The following PIGG variants were observed in gnomAD, a reference collection of about 807,000 sequenced individuals.
PIGG encodes the protein GPI ethanolamine phosphate transferase 2, catalytic subunit.
A neutral mutation model predicts 83.2 loss-of-function variants in PIGG; 70 were observed. The observed-to-expected ratio is 0.84, with a 90% CI of 0.69 to 1.03. The LOEUF (loss-of-function observed/expected upper bound fraction) is 1.03, where lower values mean the gene tolerates loss of function less well. Among genes scored for constraint, PIGG ranks in the 50% least tolerant of loss-of-function variants. The pLI is 0.00. For synonymous variants in PIGG, 532 were observed against 519.5 expected, an observed-to-expected ratio of 1.02 and a Z score of -0.33; for missense variants, 1,257 against 1,233.6, an observed-to-expected ratio of 1.02 and a Z score of -0.28.
At position 509,090 on chromosome 4, in the gene PIGG, T is replaced by C. The variant is rs541614123; in HGVS notation, c.901+120T>C. Reference sequence around the variant, plus strand: ...ATAAGGTTGAAGTCCCCAAGCAATGTGAGCATGAAAAGTAATTGGGCAAAA... The same window carrying C: ...ATAAGGTTGAAGTCCCCAAGCAATGCGAGCATGAAAAGTAATTGGGCAAAA... On this transcript the variant is annotated intron_variant, in intron 5 of 12. Coordinates refer to ENST00000453061, the MANE Select transcript of PIGG (RefSeq NM_001127178.3). 11 of 740,510 alleles carry C rather than the reference T, an allele frequency of 1.5e-5. No individual in the cohort carries two copies. The African/African-American group carries it at 1.6e-4, about 11-fold the overall frequency. The allele number at this position is 740,510 out of a possible 1,614,324, so 45.9% of individuals were successfully genotyped here.
intron 11 of PIGG, chr4:531,175 G>A (rs1008188549): frequency 2.9e-5 from 5 of 174,998 alleles, no homozygotes; most frequent in East Asian, 1.6e-4. Context: ...GCTTCTGTCC[G>A]GTGTTTAAAG....
intron 2 of PIGG, among the ~76,000 whole-genome samples, chr4:503,845 TACACACACACACACACACACACACAC>T (rs56841358): frequency 6.9e-6 from 1 of 145,606 alleles, no homozygotes; most frequent in Non-Finnish European, 1.5e-5. Flanking sequence ...TGTGATTTTA[TACACACACACACACACACACACACAC>T]ACACACACAC....
intron 9 of PIGG, among the ~76,000 whole-genome samples, chr4:526,677 A>G (rs1218352315): frequency 2.8e-5 from 4 of 145,390 alleles, no homozygotes; most frequent in African/African-American, 1.0e-4. Flanking sequence ...ATGGTGGGAG[A>G]CCCGTTTGTG....
rs1363760022 is a variant in PIGG, at chr4:521,764, G to A, written c.1437G>A (p.Val479=). Residue 479 remains valine (V), a synonymous_variant, in exon 8 of 13, where the codon GTG becomes GTA. Transcript: ENST00000453061. The part of the protein sequence containing the change: ...SPGFSLLFYL[V]ILVLSAVHVI... ...GGTTTTCTCTGCTCTTTTATTTGGT[G>A]ATCCTGGTTCTTTCGGCCGTTCACG... is the stretch of plus-strand genomic sequence containing the variant. 3 of 1,614,078 alleles carry A rather than the reference G, an allele frequency of 1.9e-6. No individual in the cohort carries two copies. In the African/African-American group the frequency reaches 4.0e-5, roughly 22 times the overall value.
rs1257417361 is a variant in PIGG, at chr4:505,652, T to A, written c.361-66T>A. On this transcript the variant is annotated intron_variant, in intron 2 of 12. Transcript: ENST00000453061. Reference sequence around the variant, plus strand: ...TGTCTCAAAAAAAAAAAAAAAAATCTTCAGTGCCCTTTTCATGCTCCGGTT... The same window carrying A: ...TGTCTCAAAAAAAAAAAAAAAAATCATCAGTGCCCTTTTCATGCTCCGGTT... The A allele has an allele frequency of 1.1e-5, 11 of 993,748 alleles. 1 individual carries two copies. The highest frequency in any genetic ancestry group is 2.5e-5 in the East Asian group (1 of 39,668). 61.6% of individuals were successfully genotyped at this position (993,748 alleles called of 1,614,324 possible). A position where few individuals can be genotyped will look rare whatever the true frequency, so the allele number is the denominator to read the frequency against.
At chr4:530,337 A>C (rs111393384) in intron 10 of PIGG, 99 bp from the exon 11 acceptor site, 6 of 834,944 alleles carry the variant, frequency 7.2e-6, no homozygotes, top group African/African-American at 6.8e-5. Flanking sequence ...CTGGACATTT[A>C]CTGGTTCCCT....
In PIGG at chr4:515,943, CTG is replaced by C; in HGVS notation, c.902-28_902-27del. On this transcript the variant is annotated intron_variant, in intron 5 of 12. Coordinates refer to ENST00000453061, the MANE Select transcript of PIGG (RefSeq NM_001127178.3). This position sits in a 1 kb window ranked among gnomAD's most constrained non-coding sequence, Gnocchi z 4.2. ...GTACCATCTTACACTTTCTAGAAGTCTGTTACTTAAAATGTTTTCTTTCTTCT... is the reference window on the plus strand; with the variant it reads ...GTACCATCTTACACTTTCTAGAAGTCTTACTTAAAATGTTTTCTTTCTTCT... 1 of 1,550,046 alleles carries C rather than the reference CTG, an allele frequency of 6.5e-7. No individual in the cohort carries two copies. The highest frequency in any genetic ancestry group is 8.9e-7 in the Non-Finnish European group (1 of 1,121,752).
chr4:516,854 CA>C (rs1178401194), intron 6 of PIGG, among the ~76,000 whole-genome samples: 165 of 46,522 alleles, frequency 3.5e-3, no homozygotes, highest in African/African-American at 7.7e-3. Context: ...GACTCTGCCT[CA>C]AAAAAAAAAA....
intron 9 of PIGG, among the ~76,000 whole-genome samples, chr4:526,193 A>C (rs1434783823): frequency 6.6e-6 from 1 of 152,280 alleles, no homozygotes; most frequent in Non-Finnish European, 1.5e-5. Context: ...TTATTATAAC[A>C]ATCCTGAAGA....
At position 533,729 on chromosome 4, in the gene PIGG, T is replaced by TTCACGCTAACATCGTGGC. The variant is rs1294677827; in HGVS notation, c.2572-69_2572-52dup. On this transcript the variant is annotated intron_variant, in intron 11 of 12. Coordinates refer to ENST00000453061, the MANE Select transcript of PIGG (RefSeq NM_001127178.3). ...GTGGTTATCTGGGCTGCCTACACAG[T>TTCACGCTAACATCGTGGC]TCACGCTAACATCGTGGCTCACGCT... 9.1e-4 allele frequency: 1,160 copies of TTCACGCTAACATCGTGGC among 1,276,422 alleles called. 5 individuals carry two copies. Among genetic ancestry groups the TTCACGCTAACATCGTGGC allele is most frequent in the Admixed American group, 2.0e-3 (114 of 57,504 alleles). The allele number at this position is 1,276,422 out of a possible 1,614,324, so 79.1% of individuals were successfully genotyped here. A position where few individuals can be genotyped will look rare whatever the true frequency, so the allele number is the denominator to read the frequency against.
Position 512,282 on chromosome 4 carries a change from C to T in PIGG, c.901+3312C>T, listed in dbSNP as rs1443550970. Among the ~76,000 whole-genome samples the T allele has an allele frequency of 2.0e-4, 29 of 146,124 alleles. 1 individual carries two copies. The highest frequency in any genetic ancestry group is 8.2e-4 in the East Asian group (4 of 4,902). On this transcript the variant is annotated intron_variant, in intron 5 of 12. Transcript: ENST00000453061. ...TCACCCAGGCTGGAGTGCAGTGACA[C>T]GATCTCGGCTCACTGCCACCTCCGC...
rs1553874275 is a variant in PIGG at position 499,498 on chromosome 4, C to G, written c.154+9C>G. The G allele has an allele frequency of 6.3e-7, 1 of 1,585,978 alleles. No individual in the cohort carries two copies. Among genetic ancestry groups the G allele is most frequent in the Non-Finnish European group, 8.5e-7 (1 of 1,172,846 alleles). ...GCCCGAACCCTCGGCTGGTACGGAC[C>G]CCTCCCCGGCGTCTCCGCTCCCCTG... is the stretch of plus-strand genomic sequence containing the variant. On this transcript the variant is annotated intron_variant, in intron 1 of 12. Coordinates refer to ENST00000453061, the MANE Select transcript of PIGG (RefSeq NM_001127178.3).
intron 10 of PIGG, among the ~76,000 whole-genome samples, chr4:529,228 C>A (rs760224002): frequency 6.6e-6 from 1 of 152,216 alleles, no homozygotes; most frequent in Non-Finnish European, 1.5e-5. Flanking sequence ...AGTCCCTTTT[C>A]TTCTATGAAA....
intron 6 of PIGG, among the ~76,000 whole-genome samples, chr4:517,213 T>C (rs1210788599): frequency 1.3e-5 from 2 of 152,144 alleles, no homozygotes; most frequent in East Asian, 3.9e-4. Flanking sequence ...TGGAGGATTC[T>C]GCTTTGTGCT....
chr4:504,322 CATAACCT>C (rs1441121824), intron 2 of PIGG, among the ~76,000 whole-genome samples: 1 of 152,184 alleles, frequency 6.6e-6, no homozygotes, highest in Non-Finnish European at 1.5e-5. Context: ...GATGTGTTTT[CATAACCT>C]CCCTGGGTGT....
At position 521,239 on chromosome 4, in the gene PIGG, A is replaced by G. The variant is rs201146360; in HGVS notation, c.1298A>G (p.Tyr433Cys). 8.0e-5 allele frequency: 129 copies of G among 1,614,014 alleles called. No homozygotes were observed. Among genetic ancestry groups the G allele is most frequent in the Admixed American group, 1.0e-4 (6 of 60,024 alleles). The stretch of plus-strand genomic sequence containing the variant: ...GCACAAGTGGCCCAGTACGACATCT[A>G]TTCGATGATGGTGGGGACTGTCGTG... ...LSAQVAQYDI[Y>C]SMMVGTVVVL... Residue 433 changes from tyrosine to cysteine, a missense_variant, in exon 7 of 13, where the codon TAT becomes TGT. Tyr to Cys is a radical substitution (Grantham distance 194, BLOSUM62 -2). Transcript: ENST00000453061.
intron 1 of PIGG, chr4:499,764 T>G: frequency 7.7e-7 from 1 of 1,298,736 alleles, no homozygotes; most frequent in Non-Finnish European, 9.8e-7. Context: ...CCTCTCCACT[T>G]CTACTCGTCC....
chr4:510,976 T>C (rs377033215), intron 5 of PIGG, among the ~76,000 whole-genome samples: 1 of 152,014 alleles, frequency 6.6e-6, no homozygotes, highest in Non-Finnish European at 1.5e-5. Flanking sequence ...TTTTTCCAGG[T>C]TCATAGTTAT....
chr4:528,278 A>T lies in PIGG; in HGVS notation c.2261+1048A>T, dbSNP rs1020579079. 39 of 982,426 alleles carry T rather than the reference A, an allele frequency of 4.0e-5. No individual in the cohort carries two copies. Among genetic ancestry groups the T allele is most frequent in the Non-Finnish European group, 4.7e-5 (39 of 827,632 alleles). 60.9% of individuals were successfully genotyped at this position (982,426 alleles called of 1,614,324 possible). On this transcript the variant is annotated intron_variant, in intron 10 of 12. Transcript: ENST00000453061. This position sits in a 1 kb window ranked among gnomAD's most constrained non-coding sequence, Gnocchi z 4.8. The stretch of plus-strand genomic sequence containing the variant: ...AGACTACATACTTAAAATACTGGTG[A>T]TTATATTTAGGACCTGAAATCATAA...
Sources: gnomAD v4.1 joint callset for allele counts (sites outside exome capture counted in the v4.1 genomes callset) on GRCh38, gnomAD v4.1.1 for gene constraint, Gnocchi (gnomAD v3.1) non-coding constraint, MANE v1.5 for transcripts, NCBI Gene and HGNC (gene_info 2026-07-23, HGNC 2026-07-21) for gene names.